Variants in HDAC9 observed in about 807,000 individuals in gnomAD.
HDAC9 encodes the protein MEF-2 interacting transcription repressor (MITR) protein.
In HDAC9, 41 loss-of-function variants were observed where a neutral mutation model predicts 139.4. The observed-to-expected ratio is 0.29, with a 90% confidence interval of 0.23 to 0.38. The LOEUF is 0.38. Ranked by LOEUF, HDAC9 falls within the 10% of genes least tolerant of loss-of-function variation. HDAC9 has a pLI of 1.00. For synonymous variants in HDAC9, 517 were observed against 476.2 expected, an observed-to-expected ratio of 1.09 and a Z score of -1.12; for missense variants, 1,147 against 1,297.0, an observed-to-expected ratio of 0.88 and a Z score of 1.78.
intron 1 of HDAC9, among the ~76,000 whole-genome samples, chr7:18,406,784 A>T (rs1365893153): frequency 2.0e-5 from 3 of 152,046 alleles, no homozygotes; most frequent in Non-Finnish European, 2.9e-5. Flanking sequence ...CATCTCTCTT[A>T]TGATTAGAGT....
chr7:18,602,705 T>G (rs375231258), intron 6 of HDAC9, among the ~76,000 whole-genome samples: 1 of 152,082 alleles, frequency 6.6e-6, no homozygotes, highest in African/African-American at 2.4e-5. Context: ...TTAAGTCATG[T>G]TTTATTTAGA....
chr7:18,367,593 G>C (rs1784286571), intron 1 of HDAC9, among the ~76,000 whole-genome samples: 1 of 151,918 alleles, frequency 6.6e-6, no homozygotes, highest in Non-Finnish European at 1.5e-5. Context: ...ATTTCCTCTT[G>C]ATAGGCATTT....
At chr7:18,273,786 G>A (rs1796541477) in intron 2 of HDAC9, among the ~76,000 whole-genome samples, 1 of 152,076 alleles carries the variant, frequency 6.6e-6, no homozygotes. Context: ...GTGGAAGACG[G>A]GACAAATAAG....
At chr7:18,489,220 T>G (rs1475274986) in intron 1 of HDAC9, among the ~76,000 whole-genome samples, 3 of 152,042 alleles carry the variant, frequency 2.0e-5, no homozygotes, top group Non-Finnish European at 4.4e-5. Flanking sequence ...AATGAACTAT[T>G]TTTTCAAGTT....
At chr7:18,283,706 T>G (rs1319496495) in intron 2 of HDAC9, among the ~76,000 whole-genome samples, 5 of 152,226 alleles carry the variant, frequency 3.3e-5, no homozygotes, top group African/African-American at 1.2e-4. Context: ...TACTGAAATA[T>G]AATTCCATAT....
At chr7:18,953,116 T>C (rs1782915112) in intron 23 of HDAC9, among the ~76,000 whole-genome samples, 1 of 152,078 alleles carries the variant, frequency 6.6e-6, no homozygotes, top group African/African-American at 2.4e-5. Context: ...TTCCTACAGA[T>C]GAAGAGACAT....
chr7:18,474,578 TA>T (rs2128122835), intron 1 of HDAC9, among the ~76,000 whole-genome samples: 1 of 152,342 alleles, frequency 6.6e-6, no homozygotes, highest in Non-Finnish European at 1.5e-5. Context: ...TACCAAATTT[TA>T]AGAAGATTTT....
intron 2 of HDAC9, among the ~76,000 whole-genome samples, chr7:18,285,312 A>C (rs1797364783): frequency 6.6e-6 from 1 of 152,008 alleles, no homozygotes. Context: ...GATTTGTAGA[A>C]ATTTTTATAA....
intron 13 of HDAC9, among the ~76,000 whole-genome samples, chr7:18,743,689 A>G (rs1584957288): frequency 6.6e-6 from 1 of 151,786 alleles, no homozygotes; most frequent in Non-Finnish European, 1.5e-5. Context: ...CTCTAAAAAC[A>G]TAAAATAAAA....
chr7:18,196,323 C>T (rs1790723100), intron 2 of HDAC9, among the ~76,000 whole-genome samples: 1 of 152,048 alleles, frequency 6.6e-6, no homozygotes, highest in South Asian at 2.1e-4. Flanking sequence ...TTTATGTGCA[C>T]ATGAGGATTA....
At chr7:18,361,886 C>T (rs530046158) in intron 1 of HDAC9, among the ~76,000 whole-genome samples, 2 of 152,124 alleles carry the variant, frequency 1.3e-5, no homozygotes, top group African/African-American at 4.8e-5. Flanking sequence ...ACCGTCAGTA[C>T]ATGATATGCT....
chr7:18,762,236 A>T lies in HDAC9; in HGVS notation c.2123A>T (p.Asn708Ile). ...SEHHSLLYGTNPLDGQKLDPR... is the reference protein window; with the variant it reads ...SEHHSLLYGTIPLDGQKLDPR... ...CATCACTCACTGTTGTATGGCACCA[A>T]CCCCCTGGACGGACAGAAGCTGGAC... Residue 708 changes from asparagine (N) to isoleucine (I), a missense_variant, in exon 15 of 26, where the codon AAC (asparagine) becomes ATC (isoleucine). Asn to Ile is a moderately radical substitution (Grantham distance 149). Coordinates refer to ENST00000686413, the MANE Select transcript of HDAC9 (RefSeq NM_178425.4). 1 of 1,613,418 alleles carries T rather than the reference A, an allele frequency of 6.2e-7. No homozygotes were observed. Among genetic ancestry groups the T allele is most frequent in the Non-Finnish European group, 8.5e-7 (1 of 1,179,664 alleles).
chr7:18,957,161 T>C (rs1422091843), intron 24 of HDAC9, among the ~76,000 whole-genome samples: 1 of 152,160 alleles, frequency 6.6e-6, no homozygotes, highest in Non-Finnish European at 1.5e-5. Context: ...AAGCGATCTC[T>C]CACCATTTGA....
intron 24 of HDAC9, among the ~76,000 whole-genome samples, chr7:18,967,336 G>A (rs936043893): frequency 1.3e-5 from 2 of 152,086 alleles, no homozygotes; most frequent in African/African-American, 4.8e-5. Context: ...GTTCAGGAGT[G>A]ACGTAATAAT....
intron 1 of HDAC9, among the ~76,000 whole-genome samples, chr7:18,382,099 C>G (rs975062302): frequency 6.6e-6 from 1 of 151,698 alleles, no homozygotes; most frequent in Non-Finnish European, 1.5e-5. Context: ...TCTTGGTAGA[C>G]CAAAGGAGAA....
At chr7:18,204,351 G>A (rs1342775355) in intron 2 of HDAC9, among the ~76,000 whole-genome samples, 1 of 83,648 alleles carries the variant, frequency 1.2e-5, no homozygotes, top group Admixed American at 1.3e-4. Context: ...TTTTTTTTTT[G>A]GAATTATTTA....
At chr7:18,870,375 A>G (rs973123603) in intron 21 of HDAC9, among the ~76,000 whole-genome samples, 2 of 152,178 alleles carry the variant, frequency 1.3e-5, no homozygotes, top group Admixed American at 1.3e-4. Context: ...ATTTTGTCAA[A>G]TATTCCTCAA....
intron 1 of HDAC9, among the ~76,000 whole-genome samples, chr7:18,160,694 G>C (rs1055317149): frequency 1.3e-5 from 2 of 152,070 alleles, no homozygotes; most frequent in African/African-American, 4.8e-5. Context: ...TTGGCCCACT[G>C]CAACCTCTGC....
Position 18,790,341 on chromosome 7 carries a change from G to T in HDAC9, c.2215-3004G>T, listed in dbSNP as rs945739093. On this transcript the variant is annotated intron_variant, in intron 16 of 25. Transcript: ENST00000686413. ...AATTAAGATTAAATTAGGTCATAAG[G>T]TACTGTGTGCTAATCCAATAGGACT... Among the ~76,000 whole-genome samples the T allele has an allele frequency of 2.0e-5, 3 of 152,110 alleles. No homozygotes were observed. In the South Asian group the frequency reaches 6.2e-4, roughly 32 times the overall value.
Sources: allele counts gnomAD v4.1 joint callset (sites outside exome capture counted in the v4.1 genomes callset), GRCh38; gene constraint gnomAD v4.1.1; transcripts MANE v1.5; gene names NCBI Gene and HGNC (gene_info 2026-07-23, HGNC 2026-07-21).